The following OVCH1 variants were observed in gnomAD, a reference collection of about 807,000 sequenced individuals.
The protein encoded by OVCH1 is ovochymase-1.
A neutral mutation model predicts 138.4 loss-of-function variants in OVCH1; 139 were observed. The observed-to-expected ratio is 1.00, with a 90% CI of 0.87 to 1.16. The LOEUF is 1.16. OVCH1 is among the 50% of genes most tolerant of loss of function. The pLI is 0.00. For synonymous variants in OVCH1, 453 were observed against 467.8 expected (o/e 0.97, Z 0.41); for missense variants, 1,367 against 1,357.9 (o/e 1.01, Z -0.11).
chr12:29,451,595 A>AG, intron 21 of OVCH1, 26 bp from the exon 22 acceptor site: 1 of 1,556,858 alleles, frequency 6.4e-7, no homozygotes, highest in Non-Finnish European at 8.8e-7. Flanking sequence ...CACAGACACC[A>AG]GGGACCAACA....
chr12:29,477,622 T>C (rs775891816), intron 9 of OVCH1, 144 bp from the exon 11 acceptor site: 1 of 1,599,878 alleles, frequency 6.3e-7, no homozygotes, highest in Non-Finnish European at 8.5e-7. Flanking sequence ...TCATTCAACA[T>C]TCCCTGCTTC....
intron 18 of OVCH1, among the ~76,000 whole-genome samples, chr12:29,462,717 C>T (rs1042851649): frequency 2.2e-4 from 33 of 152,004 alleles, no homozygotes; most frequent in African/African-American, 7.5e-4. Context: ...TTTATTCCAA[C>T]CTAATAATAC....
chr12:29,460,090 C>G (rs1942079515), intron 19 of OVCH1, among the ~76,000 whole-genome samples: 1 of 152,144 alleles, frequency 6.6e-6, no homozygotes, highest in Admixed American at 6.6e-5. Context: ...TCCAGTTTTC[C>G]TCCCATATAT....
chr12:29,486,253 T>C (rs3847680), exon 8 of OVCH1: 920,757 of 1,608,654 alleles, frequency 0.57, 266,414 homozygotes, highest in East Asian at 0.73. Context: ...CACATACCCT[T>C]TCCTCTCTGG....
intron 19 of OVCH1, among the ~76,000 whole-genome samples, chr12:29,459,804 A>G (rs79074776): frequency 0.041 from 6,188 of 152,256 alleles, 164 homozygotes; most frequent in East Asian, 0.07. Context: ...TTAGAATAAA[A>G]AATCTGAAAG....
At chr12:29,405,044 AAAAAAAAAAAAAC>A in the OVCH1 span, among the ~76,000 whole-genome samples, 1 of 145,898 alleles carries the variant, frequency 6.9e-6, no homozygotes, top group Non-Finnish European at 1.5e-5. Context: ...AAAAAAAAAA[AAAAAAAAAAAAAC>A]AAAAGAAATG....
At chr12:29,458,261 A>G (rs568887383) in intron 19 of OVCH1, among the ~76,000 whole-genome samples, 1 of 152,280 alleles carries the variant, frequency 6.6e-6, no homozygotes, top group Admixed American at 6.5e-5. Flanking sequence ...TATAGTAACC[A>G]AAACAGCACA....
chr12:29,407,362 C>A, the OVCH1 span, among the ~76,000 whole-genome samples: 1 of 129,968 alleles, frequency 7.7e-6, no homozygotes, highest in African/African-American at 2.5e-5. Context: ...TTTGGTGTTT[C>A]AGACATGAAG....
chr12:29,476,760 C>T (rs917473948), intron 12 of OVCH1, among the ~76,000 whole-genome samples: 1 of 7,646 alleles, frequency 1.3e-4, no homozygotes, highest in Non-Finnish European at 1.2e-3. Flanking sequence ...CGCGCGCACA[C>T]ACACACACAC....
chr12:29,417,679 T>C (rs1258923736), intron 3 of OVCH1, among the ~76,000 whole-genome samples: 1 of 151,930 alleles, frequency 6.6e-6, no homozygotes, highest in Non-Finnish European at 1.5e-5. Context: ...TAAAGCAAGA[T>C]AAGGAGGGGG....
downstream of OVCH1, among the ~76,000 whole-genome samples, chr12:29,424,768 G>T (rs1010565031): frequency 6.6e-6 from 1 of 152,002 alleles, no homozygotes; most frequent in Non-Finnish European, 1.5e-5. Flanking sequence ...TTCAATCTCT[G>T]TCTGTGCCTC....
chr12:29,472,688 T>C (rs77856947), intron 15 of OVCH1, among the ~76,000 whole-genome samples: 11,183 of 152,318 alleles, frequency 0.073, 422 homozygotes, highest in Non-Finnish European at 0.082. Flanking sequence ...AATTAAAAGA[T>C]GCCAGTGTGA....
intron 27 of OVCH1, among the ~76,000 whole-genome samples, chr12:29,433,549 A>G (rs567284179): frequency 2.0e-5 from 3 of 152,274 alleles, no homozygotes; most frequent in South Asian, 4.1e-4. Context: ...TATACTATAT[A>G]TTTTTATATG....
At chr12:29,494,360 G>A (rs1943354046) in intron 4 of OVCH1, among the ~76,000 whole-genome samples, 1 of 152,116 alleles carries the variant, frequency 6.6e-6, no homozygotes, top group South Asian at 2.1e-4. Context: ...AAAAAAAGGG[G>A]GCTTTTAGTA....
intron 3 of OVCH1, among the ~76,000 whole-genome samples, chr12:29,422,520 G>C (rs11829966): frequency 0.097 from 14,750 of 152,122 alleles, 773 homozygotes; most frequent in African/African-American, 0.14. Flanking sequence ...GTTTTTAATT[G>C]ATGGTATGTG....
intron 27 of OVCH1, among the ~76,000 whole-genome samples, chr12:29,428,891 TG>T: frequency 6.6e-6 from 1 of 152,340 alleles, no homozygotes; most frequent in Middle Eastern, 3.4e-3. Context: ...AGTCTCATGA[TG>T]GAATACTGCC....
At chr12:29,419,328 C>T (rs1941072066) in intron 3 of OVCH1, among the ~76,000 whole-genome samples, 1 of 151,364 alleles carries the variant, frequency 6.6e-6, no homozygotes, top group African/African-American at 2.4e-5. Flanking sequence ...CATTCTGTCA[C>T]CCAGGCTGGA....
intron 16 of OVCH1, among the ~76,000 whole-genome samples, chr12:29,466,952 A>G (rs899412668): frequency 1.3e-5 from 2 of 152,172 alleles, no homozygotes; most frequent in African/African-American, 4.8e-5. Flanking sequence ...AAAGGTGAAG[A>G]TTCTTAATGC....
At chr12:29,491,934 G>C (rs536519599) in intron 4 of OVCH1, among the ~76,000 whole-genome samples, 9 of 152,216 alleles carry the variant, frequency 5.9e-5, no homozygotes, top group African/African-American at 2.2e-4. Flanking sequence ...AGATCTCAAC[G>C]AATGAACAGA....
Sources: allele counts gnomAD v4.1 joint callset (sites outside exome capture counted in the v4.1 genomes callset), GRCh38; gene constraint gnomAD v4.1.1; transcripts MANE v1.5; gene names NCBI Gene and HGNC (gene_info 2026-07-23, HGNC 2026-07-21).